Variants in BACH2 observed in about 807,000 individuals in gnomAD.
The protein encoded by BACH2 is transcription regulator protein BACH2.
BACH2 carries 5 observed loss-of-function variants against 61.8 expected under a neutral mutation model. The ratio of observed to expected loss-of-function variants is 0.08; its 90% CI spans 0.04 to 0.17. BACH2 has a LOEUF of 0.17. Among genes scored for constraint, BACH2 ranks in the 10% least tolerant of loss-of-function variants. BACH2 has a pLI of 1.00. For missense variants in BACH2, 824 were observed against 1,091.1 expected, an observed-to-expected ratio of 0.76 and a Z score of 3.45; for synonymous variants, 446 against 440.1, an observed-to-expected ratio of 1.01 and a Z score of -0.17.
intron 3 of BACH2, among the ~76,000 whole-genome samples, chr6:90,248,953 G>A (rs1433684394): frequency 7.2e-5 from 11 of 152,120 alleles, no homozygotes. Flanking sequence ...TCAAAAGAAG[G>A]AGTTAAAAAT....
At chr6:90,067,345 C>G (rs1431453976) in intron 5 of BACH2, among the ~76,000 whole-genome samples, 1 of 152,164 alleles carries the variant, frequency 6.6e-6, no homozygotes, top group Non-Finnish European at 1.5e-5. Context: ...TAGGGTCAGA[C>G]AGCAGAGTGG....
At chr6:89,968,849 A>G (rs1304796774) in intron 6 of BACH2, among the ~76,000 whole-genome samples, 2 of 152,002 alleles carry the variant, frequency 1.3e-5, no homozygotes, top group African/African-American at 4.8e-5. Context: ...CATCTCTACT[A>G]GAAATACAAA....
intron 4 of BACH2, among the ~76,000 whole-genome samples, chr6:90,164,450 C>A (rs1264582897): frequency 6.6e-6 from 1 of 151,662 alleles, no homozygotes; most frequent in South Asian, 2.1e-4. Flanking sequence ...AAGTCCAGGA[C>A]CAGATGGATT....
intron 6 of BACH2, among the ~76,000 whole-genome samples, chr6:89,962,139 T>C (rs932091221): frequency 6.6e-6 from 1 of 152,194 alleles, no homozygotes; most frequent in African/African-American, 2.4e-5. Flanking sequence ...AGCTCCACAG[T>C]CCCTGAAAGA....
intron 4 of BACH2, among the ~76,000 whole-genome samples, chr6:90,143,727 G>A (rs544936465): frequency 8.4e-4 from 128 of 152,158 alleles, no homozygotes; most frequent in South Asian, 8.3e-4. Flanking sequence ...CAGCTGAAAC[G>A]TCAGCTCCTT....
At chr6:90,027,890 T>C (rs950652737) in intron 5 of BACH2, among the ~76,000 whole-genome samples, 2 of 152,246 alleles carry the variant, frequency 1.3e-5, no homozygotes, top group Admixed American at 1.3e-4. Flanking sequence ...TCTTTGCACA[T>C]TATATACACT....
At chr6:90,002,709 G>A (rs1291579625) in intron 6 of BACH2, among the ~76,000 whole-genome samples, 1 of 152,180 alleles carries the variant, frequency 6.6e-6, no homozygotes, top group African/African-American at 2.4e-5. Context: ...GGTGGAGGTG[G>A]CAGCGAGCTG....
chr6:90,262,861 G>C (rs745750443), intron 2 of BACH2, among the ~76,000 whole-genome samples: 8 of 152,176 alleles, frequency 5.3e-5, no homozygotes, highest in African/African-American at 1.7e-4. Context: ...ATTTCACACA[G>C]AACTTTCTAA....
intron 4 of BACH2, among the ~76,000 whole-genome samples, chr6:90,095,502 G>A (rs968424490): frequency 6.6e-6 from 1 of 152,114 alleles, no homozygotes; most frequent in Non-Finnish European, 1.5e-5. Context: ...TCTAGCTGAA[G>A]AACCAAAGCT....
chr6:90,100,728 G>GAGACAC lies in BACH2; in HGVS notation c.-161-11620_-161-11619insGTGTCT, dbSNP rs1554245825. Among the ~76,000 whole-genome samples, 8 of 142,370 alleles carry GAGACAC rather than the reference G, an allele frequency of 5.6e-5. 2 individuals are homozygous for GAGACAC. In the South Asian group the frequency reaches 1.8e-3, roughly 33 times the overall value. 93.4% of individuals were successfully genotyped at this position (142,370 alleles called of 152,430 possible). A position where few individuals can be genotyped will look rare whatever the true frequency, so the allele number is the denominator to read the frequency against. ...ACACACACACACACACACACACACA[G>GAGACAC]ACACACACACACACACACACACCCT... is the stretch of plus-strand genomic sequence containing the variant. On this transcript the variant is annotated intron_variant, in intron 4 of 8. Coordinates refer to ENST00000257749, the MANE Select transcript of BACH2 (RefSeq NM_021813.4).
At chr6:89,937,386 C>T (rs959289238) in intron 8 of BACH2, among the ~76,000 whole-genome samples, 1 of 152,168 alleles carries the variant, frequency 6.6e-6, no homozygotes, top group African/African-American at 2.4e-5. Flanking sequence ...GGAAGTTTTC[C>T]AGCCCTTCTG....
intron 4 of BACH2, among the ~76,000 whole-genome samples, chr6:90,102,031 GTTTTTTCGTGTGTGGTTTA>G (rs1470044212): frequency 6.6e-6 from 1 of 152,060 alleles, no homozygotes; most frequent in Non-Finnish European, 1.5e-5. Context: ...ATTCTAATAG[GTTTTTTCGTGTGTGGTTTA>G]TTTTTTCTTC....
intron 1 of BACH2, among the ~76,000 whole-genome samples, chr6:90,273,726 A>T (rs1280623914): frequency 1.3e-5 from 2 of 152,044 alleles, no homozygotes; most frequent in East Asian, 3.9e-4. Flanking sequence ...GAACTTCTAG[A>T]ATATTTACTA....
At chr6:89,993,297 CACTTA>C (rs1314640148) in intron 6 of BACH2, among the ~76,000 whole-genome samples, 9 of 152,256 alleles carry the variant, frequency 5.9e-5, no homozygotes, top group African/African-American at 2.2e-4. Context: ...AAGAGAAAAT[CACTTA>C]ACTTAATAAA....
chr6:90,030,531 G>A (rs879497275), intron 5 of BACH2, among the ~76,000 whole-genome samples: 11 of 152,120 alleles, frequency 7.2e-5, no homozygotes, highest in African/African-American at 1.7e-4. Flanking sequence ...TATCACCACC[G>A]ATGCCACAGA....
chr6:90,055,638 C>T (rs1170557451), intron 5 of BACH2, among the ~76,000 whole-genome samples: 1 of 142,478 alleles, frequency 7.0e-6, no homozygotes, highest in African/African-American at 3.1e-5. Flanking sequence ...CAAAGATACT[C>T]CTCGAGAAGA....
At chr6:90,053,317 T>C (rs1018317289) in intron 5 of BACH2, among the ~76,000 whole-genome samples, 2 of 152,206 alleles carry the variant, frequency 1.3e-5, no homozygotes, top group Non-Finnish European at 2.9e-5. Flanking sequence ...TTGTACTTTG[T>C]CATCCAAGCT....
chr6:89,975,990 T>C (rs538068068), intron 6 of BACH2, among the ~76,000 whole-genome samples: 30 of 152,346 alleles, frequency 2.0e-4, no homozygotes, highest in African/African-American at 7.2e-4. Flanking sequence ...AATGCTCACA[T>C]TCTCTCACAG....
chr6:90,153,155 G>A (rs1784887721), intron 4 of BACH2, among the ~76,000 whole-genome samples: 1 of 152,122 alleles, frequency 6.6e-6, no homozygotes, highest in East Asian at 1.9e-4. Context: ...AATATTCTGT[G>A]AAAGGCAAGT....
Sources: gnomAD v4.1 joint callset for allele counts (sites outside exome capture counted in the v4.1 genomes callset) on GRCh38, gnomAD v4.1.1 for gene constraint, MANE v1.5 for transcripts, NCBI Gene and HGNC (gene_info 2026-07-23, HGNC 2026-07-21) for gene names.